Variants in DSCC1 observed in about 807,000 individuals in gnomAD.
DSCC1 encodes DNA replication and sister chromatid cohesion 1.
A neutral mutation model predicts 48.2 loss-of-function variants in DSCC1; 32 were observed. The observed-to-expected ratio is 0.66, with a 90% confidence interval of 0.50 to 0.89. The LOEUF is 0.89. Ranked by LOEUF, DSCC1 falls within the 40% of genes least tolerant of loss-of-function variation. The pLI, the probability that DSCC1 is intolerant of heterozygous loss-of-function variation, is 0.00. For synonymous variants in DSCC1, 150 were observed against 171.5 expected (o/e 0.87, Z 0.98); for missense variants, 421 against 471.7 (o/e 0.89, Z 1.00).
rs750762873 is a variant in DSCC1 at position 119,855,789 on chromosome 8, T to C, written c.7A>G (p.Arg3Gly). 4.6e-6 allele frequency: 7 copies of C among 1,531,636 alleles called. No individual in the cohort carries two copies. The highest frequency in any genetic ancestry group is 6.1e-6 in the Non-Finnish European group (7 of 1,140,218). The allele number at this position is 1,531,636 out of a possible 1,614,324, so 94.9% of individuals were successfully genotyped here. ...GTCGCATCCACCTCGTCGCGGGTCCTCTTCATCGCAGCGCCGGGTCTAGGA... is the reference window on the plus strand; with the variant it reads ...GTCGCATCCACCTCGTCGCGGGTCCCCTTCATCGCAGCGCCGGGTCTAGGA... MK[R>G]TRDEVDATLQ... The change falls in exon 1 of 9, where the codon AGG (arginine) becomes GGG (glycine). Residue 3 changes from arginine to glycine, a missense_variant. By Grantham distance (125) the Arg-to-Gly change is moderately radical. Transcript: ENST00000313655.
chr8:119,854,148 G>A (rs1826980960), intron 1 of DSCC1, among the ~76,000 whole-genome samples: 1 of 152,102 alleles, frequency 6.6e-6, no homozygotes. Context: ...AGTAGTCATG[G>A]CACCATCATG....
chr8:119,850,528 AT>A lies in DSCC1; in HGVS notation c.352-13del, dbSNP rs1826929460. On this transcript the variant is annotated splice_polypyrimidine_tract_variant and intron_variant, in intron 2 of 8. Transcript: ENST00000313655. ...GAAAAACCAAAGATCTAGAAATTATATATATCGTAACCTTTTAGGGGCCATT... is the reference window on the plus strand; with the variant it reads ...GAAAAACCAAAGATCTAGAAATTATAATATCGTAACCTTTTAGGGGCCATT... 1 of 1,484,588 alleles carries A rather than the reference AT, an allele frequency of 6.7e-7. No homozygotes were observed. The highest frequency in any genetic ancestry group is 1.3e-5 in the South Asian group (1 of 79,640). The allele number at this position is 1,484,588 out of a possible 1,614,324, so 92.0% of individuals were successfully genotyped here.
At chr8:119,841,560 G>C (rs1826769807) in intron 7 of DSCC1, among the ~76,000 whole-genome samples, 1 of 152,056 alleles carries the variant, frequency 6.6e-6, no homozygotes, top group Admixed American at 6.5e-5. Context: ...ATTGTAGTGA[G>C]AGCAACTTAT....
At chr8:119,843,187 C>G (rs908654605) in intron 5 of DSCC1, among the ~76,000 whole-genome samples, 1 of 149,976 alleles carries the variant, frequency 6.7e-6, no homozygotes, top group Non-Finnish European at 1.5e-5. Context: ...TTCCGGAGTT[C>G]AAGCAATTCT....
chr8:119,849,800 A>G (rs1826918681), intron 3 of DSCC1, among the ~76,000 whole-genome samples: 1 of 152,236 alleles, frequency 6.6e-6, no homozygotes, highest in South Asian at 2.1e-4. Context: ...ATTTTTAGAA[A>G]GAGTCCATTG....
chr8:119,844,086 T>A (rs981636329), intron 4 of DSCC1, among the ~76,000 whole-genome samples: 1 of 151,696 alleles, frequency 6.6e-6, no homozygotes, highest in Non-Finnish European at 1.5e-5. Context: ...CAAAGAACAT[T>A]TTATGTAAAC....
intron 3 of DSCC1, among the ~76,000 whole-genome samples, chr8:119,849,181 T>C: frequency 1.1e-4 from 3 of 26,580 alleles, no homozygotes; most frequent in Admixed American, 4.0e-4. Context: ...CGAGACTCCC[T>C]CTCAAAAAAA....
chr8:119,840,158 A>C (rs1826745715), intron 7 of DSCC1: 1 of 152,214 alleles, frequency 6.6e-6, no homozygotes, highest in Non-Finnish European at 1.5e-5. Flanking sequence ...AACTAACAAA[A>C]TATTTACCAA....
chr8:119,842,892 C>G (rs1826794067), intron 5 of DSCC1, 64 bp from the exon 6 acceptor site: 1 of 1,315,882 alleles, frequency 7.6e-7, no homozygotes, highest in Admixed American at 2.4e-5. Context: ...ATTTTAACCC[C>G]ATTGCCAACT....
intron 8 of DSCC1, among the ~76,000 whole-genome samples, chr8:119,837,240 A>C (rs1159415013): frequency 6.6e-6 from 1 of 152,202 alleles, no homozygotes; most frequent in African/African-American, 2.4e-5. Flanking sequence ...TCAAGGGATG[A>C]AAGGGATAAC....
chr8:119,841,061 G>A (rs889432821), intron 7 of DSCC1, among the ~76,000 whole-genome samples: 1 of 151,314 alleles, frequency 6.6e-6, no homozygotes, highest in African/African-American at 2.4e-5. Flanking sequence ...GCATGAACTC[G>A]GCTCCCTGCA....
chr8:119,843,545 A>T, intron 5 of DSCC1, 64 bp downstream of exon 5: 1 of 1,545,424 alleles, frequency 6.5e-7, no homozygotes, highest in Non-Finnish European at 8.7e-7. Flanking sequence ...GTTTAATTCC[A>T]ATCTGTAAAA....
chr8:119,848,099 G>A (rs1826888648), intron 3 of DSCC1, among the ~76,000 whole-genome samples: 1 of 151,868 alleles, frequency 6.6e-6, no homozygotes, highest in Non-Finnish European at 1.5e-5. Flanking sequence ...CCTCATCCTG[G>A]GACTACAGGT....
Position 119,838,322 on chromosome 8 carries a change from C to A in DSCC1, c.1010G>T (p.Arg337Leu), listed in dbSNP as rs771656771. Residue 337 changes from arginine (R) to leucine (L), a missense_variant, in exon 8 of 9, where the codon CGT (arginine) becomes CTT (leucine). Physicochemically the swap from Arg to Leu is moderately radical, Grantham distance 102. Coordinates refer to ENST00000313655, the MANE Select transcript of DSCC1 (RefSeq NM_024094.3). ...CCTTAGAGAGAAAAGGCTATTAAAACGTTCCTGATTATCCTCAGGTAAATC... is the reference window on the plus strand; with the variant it reads ...CCTTAGAGAGAAAAGGCTATTAAAAAGTTCCTGATTATCCTCAGGTAAATC... The part of the protein sequence containing the change: ...VDDLPEDNQE[R>L]FNSLFSLREK... 1.9e-6 allele frequency: 3 copies of A among 1,609,998 alleles called. No individual in the cohort carries two copies. The African/African-American group carries it at 4.0e-5, about 22-fold the overall frequency.
At chr8:119,843,149 C>G (rs1365067613) in intron 5 of DSCC1, among the ~76,000 whole-genome samples, 3 of 147,960 alleles carry the variant, frequency 2.0e-5, no homozygotes, top group Non-Finnish European at 4.4e-5. Flanking sequence ...AGTGCAGTAG[C>G]GCAATCTCAG....
At chr8:119,842,856 A>G in intron 5 of DSCC1, 28 bp from the exon 6 acceptor site, 2 of 1,580,544 alleles carry the variant, frequency 1.3e-6, no homozygotes, top group Non-Finnish European at 1.7e-6. Flanking sequence ...CCCACTTGAA[A>G]AGTTATAAGC....
intron 6 of DSCC1, among the ~76,000 whole-genome samples, chr8:119,842,500 G>A (rs184256774): frequency 7.9e-5 from 12 of 151,738 alleles, no homozygotes; most frequent in East Asian, 3.9e-4. Flanking sequence ...CTCCCACCTC[G>A]GATTCCTGAG....
chr8:119,835,074 T>C (rs1826659222), intron 8 of DSCC1, 73 bp from the exon 9 acceptor site: 1 of 985,760 alleles, frequency 1.0e-6, no homozygotes, highest in Non-Finnish European at 1.5e-6. Context: ...TATGTACTTA[T>C]TTTCTCTCTC....
intron 7 of DSCC1, chr8:119,840,477 T>A (rs1254634881): frequency 6.6e-6 from 1 of 152,224 alleles, no homozygotes; most frequent in African/African-American, 2.4e-5. Flanking sequence ...CTTGATGATG[T>A]TGAAAACCTG....
Sources: allele counts gnomAD v4.1 joint callset (sites outside exome capture counted in the v4.1 genomes callset), GRCh38; gene constraint gnomAD v4.1.1; transcripts MANE v1.5; gene names NCBI Gene and HGNC (gene_info 2026-07-23, HGNC 2026-07-21).